The following TECPR2 variants were observed in gnomAD, a reference collection of about 807,000 sequenced individuals.
TECPR2 encodes the protein tectonin beta-propeller repeat containing 2.
In TECPR2, 65 loss-of-function variants were observed where a neutral mutation model predicts 138.1. The observed-to-expected ratio is 0.47, with a 90% CI of 0.39 to 0.58. The LOEUF (loss-of-function observed/expected upper bound fraction) is 0.58. Among genes scored for constraint, TECPR2 ranks in the 20% least tolerant of loss-of-function variants. TECPR2 has a pLI of 0.00. For missense variants in TECPR2, 1,553 were observed against 1,824.5 expected (o/e 0.85, Z 2.71); for synonymous variants, 746 against 749.8 (o/e 0.99, Z 0.08).
chr14:102,374,897 T>C (rs1265559979), intron 1 of TECPR2, among the ~76,000 whole-genome samples: 2 of 152,178 alleles, frequency 1.3e-5, no homozygotes, highest in Non-Finnish European at 2.9e-5. Context: ...CTGATGTGCC[T>C]AGCCCTTTTC....
chr14:102,408,745 T>C (rs558160208), intron 4 of TECPR2, 126 bp downstream of exon 4: 480 of 1,058,008 alleles, frequency 4.5e-4, no homozygotes, highest in Non-Finnish European at 5.6e-4. Context: ...TCAATTGTTA[T>C]TTGTAACATT....
chr14:102,431,744 C>T, intron 7 of TECPR2, 52 bp from the exon 8 acceptor site: 1 of 1,497,134 alleles, frequency 6.7e-7, no homozygotes, highest in Non-Finnish European at 9.0e-7. Flanking sequence ...GATAAGTGCA[C>T]ATCAGCTCTC....
chr14:102,502,402 T>A lies in TECPR2; in HGVS notation c.*4145T>A, dbSNP rs913091730. On this transcript the variant is annotated 3_prime_UTR_variant, in exon 20 of 20. Transcript: ENST00000359520. ...TAGTGGTTGCCTGGAGTATATGCCT[T>A]TTTGTATCCTTTGAATTTCCAGCCA... 9 of 152,684 alleles carry A rather than the reference T, an allele frequency of 5.9e-5. No homozygotes were observed. The highest frequency in any genetic ancestry group is 2.2e-4 in the African/African-American group (9 of 41,462). 9.5% of individuals were successfully genotyped at this position (152,684 alleles called of 1,614,324 possible).
At chr14:102,456,824 C>T (rs908200256) in intron 16 of TECPR2, among the ~76,000 whole-genome samples, 39 of 151,836 alleles carry the variant, frequency 2.6e-4, no homozygotes, top group African/African-American at 9.2e-4. Context: ...CTCCTGACCT[C>T]GTGATCTGCT....
chr14:102,460,219 A>G (rs1890372490), intron 16 of TECPR2, among the ~76,000 whole-genome samples: 2 of 151,996 alleles, frequency 1.3e-5, no homozygotes, highest in Admixed American at 1.3e-4. Context: ...CCAGTGAGCC[A>G]AGATTATGCC....
intron 16 of TECPR2, among the ~76,000 whole-genome samples, chr14:102,454,179 A>T (rs8005872): frequency 0.011 from 1,687 of 150,860 alleles, 37 homozygotes; most frequent in African/African-American, 0.039. Context: ...AAAAGAAAGC[A>T]GGAAGAGAAG....
chr14:102,444,531 T>A (rs1889917637), intron 12 of TECPR2, among the ~76,000 whole-genome samples: 1 of 152,088 alleles, frequency 6.6e-6, no homozygotes. Flanking sequence ...TTAAGCTATT[T>A]TTTTTTTTAC....
chr14:102,494,178 G>A (rs1001067583), intron 17 of TECPR2, among the ~76,000 whole-genome samples: 1 of 152,202 alleles, frequency 6.6e-6, no homozygotes, highest in African/African-American at 2.4e-5. Flanking sequence ...AGCGACCAAA[G>A]GGCTGAGGGA....
intron 6 of TECPR2, 110 bp from the exon 7 acceptor site, chr14:102,428,140 A>T: frequency 7.6e-7 from 1 of 1,320,890 alleles, no homozygotes; most frequent in South Asian, 1.6e-5. Context: ...AGTAAAGTGC[A>T]GTTATCATTT....
chr14:102,486,914 A>T (rs2139792547), intron 17 of TECPR2, among the ~76,000 whole-genome samples: 1 of 152,320 alleles, frequency 6.6e-6, no homozygotes, highest in South Asian at 2.1e-4. Flanking sequence ...GCTACAGGGA[A>T]AAAAGAACTA....
chr14:102,433,562 C>G (rs1043675489), intron 8 of TECPR2, among the ~76,000 whole-genome samples: 3 of 151,218 alleles, frequency 2.0e-5, no homozygotes, highest in Admixed American at 1.3e-4. Flanking sequence ...CTGTTGTCAC[C>G]CAGGCTAGAG....
chr14:102,451,016 C>T lies in TECPR2; in HGVS notation c.3406+367C>T, dbSNP rs141294336. On this transcript the variant is annotated intron_variant, in intron 15 of 19. Transcript: ENST00000359520. ...CCCCTCGAGAATCCTTCTGTCACCT[C>T]CCAGCAACTTCCTTCCGTCTTGTTC... 3.4e-3 allele frequency among the ~76,000 whole-genome samples: 521 copies of T among 152,370 alleles called. 5 individuals carry two copies. Among genetic ancestry groups the T allele is most frequent in the African/African-American group, 0.012 (490 of 41,594 alleles).
chr14:102,492,945 G>A (rs570865547), intron 17 of TECPR2, among the ~76,000 whole-genome samples: 3 of 152,350 alleles, frequency 2.0e-5, no homozygotes, highest in Admixed American at 6.5e-5. Context: ...ATGTTCCAGA[G>A]ACGTTGCGAG....
intron 17 of TECPR2, among the ~76,000 whole-genome samples, chr14:102,467,764 T>C (rs1330849980): frequency 6.6e-6 from 1 of 152,182 alleles, no homozygotes; most frequent in East Asian, 1.9e-4. Context: ...TAACAACTAA[T>C]GATATTGAAC....
Position 102,376,836 on chromosome 14 carries a change from A to G in TECPR2, c.115A>G (p.Thr39Ala), listed in dbSNP as rs754567563. 1 of 1,613,918 alleles carries G rather than the reference A, an allele frequency of 6.2e-7. No individual in the cohort carries two copies. Among genetic ancestry groups the G allele is most frequent in the Non-Finnish European group, 8.5e-7 (1 of 1,179,928 alleles). The change falls in exon 2 of 20, where the codon ACG becomes GCG. Residue 39 changes from threonine (T) to alanine (A), a missense_variant. Coordinates refer to ENST00000359520, the MANE Select transcript of TECPR2 (RefSeq NM_014844.5). ...TTTCCGCTCTATCGTGGTCTATCTC[A>G]CGGCCCTCGACACCAACGGGGACTA... ...KGFRSIVVYL[T>A]ALDTNGDYIA...
At chr14:102,481,805 A>C (rs1256122684) in intron 17 of TECPR2, among the ~76,000 whole-genome samples, 1 of 151,150 alleles carries the variant, frequency 6.6e-6, no homozygotes, top group Admixed American at 6.6e-5. Flanking sequence ...TTTCTGGTTG[A>C]CTCTCTGCGG....
Position 102,431,888 on chromosome 14 carries a change from C to T in TECPR2, c.1177C>T (p.Leu393Phe), listed in dbSNP as rs1889502313. The T allele has an allele frequency of 1.2e-6, 2 of 1,608,942 alleles. No individual in the cohort carries two copies. Among genetic ancestry groups the T allele is most frequent in the Non-Finnish European group, 1.7e-6 (2 of 1,175,800 alleles). The change falls in exon 8 of 20, where the codon CTC becomes TTC. Residue 393 changes from leucine to phenylalanine, a missense_variant. Physicochemically the swap from Leu to Phe is conservative, Grantham distance 22 (BLOSUM62 0). Coordinates refer to ENST00000359520, the MANE Select transcript of TECPR2 (RefSeq NM_014844.5). ...AGGGGCCACAGTTTCTGAGACGAGG[C>T]TCAGAGGCTCTTCCATGGCCAGCTC... ...LPGATVSETR[L>F]RGSSMASSVA...
At chr14:102,392,048 G>C (rs921759963) in intron 2 of TECPR2, among the ~76,000 whole-genome samples, 1 of 152,126 alleles carries the variant, frequency 6.6e-6, no homozygotes, top group African/African-American at 2.4e-5. Context: ...GAGTGCAATG[G>C]TGTGATCTTG....
chr14:102,379,007 A>G (rs181193612), intron 2 of TECPR2, among the ~76,000 whole-genome samples: 26 of 152,328 alleles, frequency 1.7e-4, no homozygotes, highest in African/African-American at 5.8e-4. Flanking sequence ...CGACTGATCA[A>G]ATTCCCCAAA....
Sources: allele counts gnomAD v4.1 joint callset (sites outside exome capture counted in the v4.1 genomes callset), GRCh38; gene constraint gnomAD v4.1.1; transcripts MANE v1.5; gene names NCBI Gene and HGNC (gene_info 2026-07-23, HGNC 2026-07-21).